ZFPM1: variants seen among roughly 807,000 people sequenced by gnomAD.
The protein encoded by ZFPM1 is zinc finger protein, FOG family member 1.
Under a neutral mutation model 46.3 loss-of-function variants are expected in ZFPM1, and 28 were observed. The observed-to-expected ratio is 0.60, with a 90% CI of 0.45 to 0.83. The LOEUF (loss-of-function observed/expected upper bound fraction) is 0.83, where lower values mean the gene tolerates loss of function less well. Among genes scored for constraint, ZFPM1 ranks in the 40% least tolerant of loss-of-function variants. The probability of loss-of-function intolerance (pLI) is 0.00; values close to 1 mark genes in which losing one functional copy is unlikely to be tolerated. For missense variants in ZFPM1, 1,878 were observed against 1,432.4 expected, an observed-to-expected ratio of 1.31 and a Z score of -5.02; for synonymous variants, 957 against 675.9, an observed-to-expected ratio of 1.42 and a Z score of -6.45.
Position 88,530,197 on chromosome 16 carries a change from A to G in ZFPM1, c.713-1805A>G, listed in dbSNP as rs549398364. ...CCAACTCCAGGGGAACACCCCGCTG[A>G]TAACGCCAGTAAGACAGTGGGGACA... On this transcript the variant is annotated intron_variant, in intron 6 of 9. Transcript: ENST00000319555. Among the ~76,000 whole-genome samples the G allele has an allele frequency of 1.7e-3, 261 of 152,258 alleles. 1 individual carries two copies. Among genetic ancestry groups the G allele is most frequent in the African/African-American group, 6.0e-3 (250 of 41,556 alleles).
At chr16:88,452,689 A>G (rs1024058713), upstream of ZFPM1, among the ~76,000 whole-genome samples, 6 of 152,240 alleles carry the variant, frequency 3.9e-5, no homozygotes, top group Admixed American at 3.3e-4. Context: ...GCGCACGTGG[A>G]GCGTGCGGCA....
At chr16:88,512,682 C>T (rs1911038958) in intron 3 of ZFPM1, among the ~76,000 whole-genome samples, 1 of 152,198 alleles carries the variant, frequency 6.6e-6, no homozygotes, top group Non-Finnish European at 1.5e-5. Flanking sequence ...TCGGGGGTGA[C>T]ACACAGGCTC....
chr16:88,452,435 G>C (rs1907317200), upstream of ZFPM1, among the ~76,000 whole-genome samples: 2 of 152,218 alleles, frequency 1.3e-5, no homozygotes, highest in Non-Finnish European at 2.9e-5. Flanking sequence ...GGCTCGGTGA[G>C]GAAAGAGGCC....
intron 1 of ZFPM1, among the ~76,000 whole-genome samples, chr16:88,477,033 G>A (rs979958822): frequency 2.0e-5 from 3 of 151,978 alleles, no homozygotes; most frequent in East Asian, 1.9e-4. Flanking sequence ...CCACACCATC[G>A]CAGACCGGGG....
intron 4 of ZFPM1, 66 bp downstream of exon 4, chr16:88,514,586 C>T: frequency 2.7e-6 from 4 of 1,484,448 alleles, no homozygotes; most frequent in Non-Finnish European, 3.6e-6. Flanking sequence ...ACCCAGGGGA[C>T]AGGCCCAGCT....
chr16:88,533,987 G>A lies in ZFPM1; in HGVS notation c.2029G>A (p.Glu677Lys). The A allele has an allele frequency of 7.4e-7, 1 of 1,359,332 alleles. No individual in the cohort carries two copies. Among genetic ancestry groups the A allele is most frequent in the Non-Finnish European group, 9.6e-7 (1 of 1,039,990 alleles). The allele number at this position is 1,359,332 out of a possible 1,614,324, so 84.2% of individuals were successfully genotyped here. A position where few individuals can be genotyped will look rare whatever the true frequency, so the allele number is the denominator to read the frequency against. ...CCCGGGTAGCTCCGTGGACGACGCG[G>A]AGGACGACCCCAGCCGCACGCTGTG... ...QSPGSSVDDA[E>K]DDPSRTLCEA... The change falls in exon 10 of 10, where the codon GAG becomes AAG. Residue 677 changes from glutamate to lysine, a missense_variant. Coordinates refer to ENST00000319555, the MANE Select transcript of ZFPM1 (RefSeq NM_153813.3).
chr16:88,455,132 G>GGGGGGT (rs1181672760), intron 1 of ZFPM1, among the ~76,000 whole-genome samples: 2 of 141,674 alleles, frequency 1.4e-5, no homozygotes, highest in East Asian at 2.1e-4. Flanking sequence ...TCGGTTCTGG[G>GGGGGGT]GTGTGTGTGT....
intron 3 of ZFPM1, among the ~76,000 whole-genome samples, chr16:88,509,517 C>T (rs990178584): frequency 6.6e-5 from 10 of 152,230 alleles, no homozygotes; most frequent in African/African-American, 9.6e-5. Context: ...CCCCGGTTCC[C>T]GGACGTCCGC....
At chr16:88,533,080 G>A (rs1387513820) in intron 9 of ZFPM1, 68 bp from the exon 10 acceptor site, 10 of 1,110,750 alleles carry the variant, frequency 9.0e-6, no homozygotes, top group East Asian at 4.4e-5. Flanking sequence ...TCCGGAGCTC[G>A]CCCTCCAGCT....
chr16:88,468,445 G>A (rs900422873), intron 1 of ZFPM1, among the ~76,000 whole-genome samples: 39 of 152,306 alleles, frequency 2.6e-4, no homozygotes, highest in African/African-American at 8.9e-4. Flanking sequence ...AAAAGAGGCC[G>A]GCCTTGGAGA....
intron 3 of ZFPM1, among the ~76,000 whole-genome samples, chr16:88,490,972 G>A (rs1298310807): frequency 1.3e-5 from 2 of 151,604 alleles, no homozygotes; most frequent in African/African-American, 2.4e-5. Context: ...TGGGGAGCAG[G>A]CCCAGGACAC....
chr16:88,487,617 G>A (rs1049291483), intron 2 of ZFPM1, among the ~76,000 whole-genome samples: 3 of 152,170 alleles, frequency 2.0e-5, no homozygotes, highest in Non-Finnish European at 4.4e-5. Flanking sequence ...TGGCTTGGGA[G>A]CGGGATTTCT....
intron 1 of ZFPM1, among the ~76,000 whole-genome samples, chr16:88,477,657 C>T (rs1204194631): frequency 6.6e-6 from 1 of 152,140 alleles, no homozygotes; most frequent in Non-Finnish European, 1.5e-5. Context: ...ATTGCACAGG[C>T]ACACTCCAGC....
At position 88,514,664 on chromosome 16, in the gene ZFPM1, G is replaced by A. The variant is rs1911181871; in HGVS notation, c.402+144G>A. On this transcript the variant is annotated intron_variant, in intron 4 of 9. Transcript: ENST00000319555. Reference sequence around the variant, plus strand: ...CTGAGATATTGGGACCTGGAGGATAGGGAGGGATTCGCTGCCTTGGGGCCC... The same window carrying A: ...CTGAGATATTGGGACCTGGAGGATAAGGAGGGATTCGCTGCCTTGGGGCCC... The A allele has an allele frequency of 9.1e-6, 11 of 1,205,002 alleles. No homozygotes were observed. In the African/African-American group the frequency reaches 1.2e-4, roughly 13 times the overall value. The allele number at this position is 1,205,002 out of a possible 1,614,324, so 74.6% of individuals were successfully genotyped here.
chr16:88,516,559 C>T (rs1597268717), intron 4 of ZFPM1: 2 of 398,644 alleles, frequency 5.0e-6, no homozygotes, highest in East Asian at 3.6e-5. Context: ...ATCTCCCCAG[C>T]GAGGCGCTAT....
In ZFPM1 at chr16:88,505,590, C is replaced by T. The variant is rs986862359; in HGVS notation, c.269-8797C>T. Among the ~76,000 whole-genome samples the T allele has an allele frequency of 2.6e-5, 4 of 152,292 alleles. No homozygotes were observed. The East Asian group carries it at 7.7e-4, about 29-fold the overall frequency. Reference sequence around the variant, plus strand: ...GGCATCGCCCTCCGCACGACGGCTTCCTGGGGTCCTGGCACGGTGCCATGT... The same window carrying T: ...GGCATCGCCCTCCGCACGACGGCTTTCTGGGGTCCTGGCACGGTGCCATGT... On this transcript the variant is annotated intron_variant, in intron 3 of 9. Transcript: ENST00000319555.
At chr16:88,507,907 C>G (rs887780595) in intron 3 of ZFPM1, among the ~76,000 whole-genome samples, 6 of 152,188 alleles carry the variant, frequency 3.9e-5, no homozygotes, top group African/African-American at 1.4e-4. Flanking sequence ...CCTCCAGCAG[C>G]CACTCCCTCC....
intron 5 of ZFPM1, 36 bp downstream of exon 5, chr16:88,526,952 C>T (rs751556390): frequency 4.6e-6 from 7 of 1,535,544 alleles, no homozygotes; most frequent in Non-Finnish European, 6.2e-6. Flanking sequence ...CCAAGCCTTC[C>T]GGAAGGTGGG....
intron 3 of ZFPM1, among the ~76,000 whole-genome samples, chr16:88,490,671 C>T (rs959848237): frequency 3.3e-5 from 5 of 152,094 alleles, no homozygotes; most frequent in African/African-American, 1.2e-4. Flanking sequence ...ACAGGGCAGC[C>T]GGGGCCACAG....
Sources: gnomAD v4.1 joint callset for allele counts (sites outside exome capture counted in the v4.1 genomes callset) on GRCh38, gnomAD v4.1.1 for gene constraint, MANE v1.5 for transcripts, NCBI Gene and HGNC (gene_info 2026-07-23, HGNC 2026-07-21) for gene names.